Variants in GSN observed in about 807,000 individuals in gnomAD.
The protein encoded by GSN is gelsolin.
Under a neutral mutation model 85.7 loss-of-function variants are expected in GSN, and 56 were observed. The ratio of observed to expected loss-of-function variants is 0.65; its 90% CI spans 0.53 to 0.82. The LOEUF (loss-of-function observed/expected upper bound fraction) is 0.82. Among genes scored for constraint, GSN ranks in the 40% least tolerant of loss-of-function variants. The probability of loss-of-function intolerance (pLI) is 0.00; values close to 1 mark genes in which losing one functional copy is unlikely to be tolerated. For missense variants in GSN, 857 were observed against 979.8 expected (o/e 0.87, Z 1.67); for synonymous variants, 373 against 399.1 (o/e 0.93, Z 0.78).
chr9:121,318,340 TA>T lies in GSN; in HGVS notation c.887-63del. 2 of 1,281,508 alleles carry T rather than the reference TA, an allele frequency of 1.6e-6. 1 individual carries two copies. The highest frequency in any genetic ancestry group is 2.3e-6 in the Non-Finnish European group (2 of 876,548). The allele number at this position is 1,281,508 out of a possible 1,614,324, so 79.4% of individuals were successfully genotyped here. A position where few individuals can be genotyped will look rare whatever the true frequency, so the allele number is the denominator to read the frequency against. ...TTGGCAGCTCCTTCTCCTGGACTGT[TA>T]AAGGTCAGGATGCAGCAGGATCCCG... On this transcript the variant is annotated intron_variant, in intron 8 of 17. Coordinates refer to ENST00000432226, the MANE Select transcript of GSN (RefSeq NM_198252.3). The surrounding 1 kb of genome is among the most constrained non-coding windows in gnomAD (Gnocchi z 4.3).
intron 5 of GSN, 133 bp downstream of exon 5, chr9:121,310,978 A>C (rs1212971087): frequency 6.4e-6 from 5 of 784,788 alleles, no homozygotes. Context: ...GTTCACGTAC[A>C]GATATGTCTG....
Position 121,219,340 on chromosome 9 carries a change from CT to C in GSN, c.-528+8474del, listed in dbSNP as rs199797260. On this transcript the variant is annotated intron_variant, in intron 4 of 24. Coordinates refer to the GSN transcript ENST00000373823. ...CTTGAACTCCTAGGCTCAAGTGATCCTCCTGCCTTGGCTTCCCAAGGTGTGG... is the reference window on the plus strand; with the variant it reads ...CTTGAACTCCTAGGCTCAAGTGATCCCCTGCCTTGGCTTCCCAAGGTGTGG... Among the ~76,000 whole-genome samples, 1,107 of 151,792 alleles carry C rather than the reference CT, an allele frequency of 7.3e-3. 14 individuals carry two copies. The highest frequency in any genetic ancestry group is 0.025 in the African/African-American group (1,049 of 41,366).
chr9:121,302,140 C>A lies in GSN; in HGVS notation c.169C>A (p.Leu57Met). 2 of 1,614,194 alleles carry A rather than the reference C, an allele frequency of 1.2e-6. No homozygotes were observed. Among genetic ancestry groups the A allele is most frequent in the South Asian group, 2.2e-5 (2 of 91,092 alleles). ...GACAGTGCAGCTGAGGAACGGAAAT[C>A]TGCAGTATGACCTCCACTACTGGCT... ...LKTVQLRNGNLQYDLHYWLGN... is the reference protein window; with the variant it reads ...LKTVQLRNGNMQYDLHYWLGN... Residue 57 changes from leucine to methionine, a missense_variant, in exon 3 of 18, where the codon CTG becomes ATG. Leu to Met is a conservative substitution (Grantham distance 15). Transcript: ENST00000432226.
intron 1 of GSN, chr9:121,281,230 G>C (rs79120268): frequency 0.015 from 3,380 of 225,368 alleles, 47 homozygotes; most frequent in Non-Finnish European, 0.02. Flanking sequence ...GCAGGTACAA[G>C]GCATAAGAAG....
At chr9:121,225,685 A>G (rs957262921) in intron 4 of GSN, among the ~76,000 whole-genome samples, 3 of 152,190 alleles carry the variant, frequency 2.0e-5, no homozygotes, top group African/African-American at 4.8e-5. Context: ...GATGTACACC[A>G]TCTCGAACTC....
chr9:121,230,205 C>T (rs2054360447), intron 4 of GSN, among the ~76,000 whole-genome samples: 1 of 152,100 alleles, frequency 6.6e-6, no homozygotes, highest in South Asian at 2.1e-4. Flanking sequence ...ACCAGATATT[C>T]CAGGCTCAAA....
chr9:121,240,914 T>C (rs2054591529), intron 5 of GSN, among the ~76,000 whole-genome samples: 3 of 152,234 alleles, frequency 2.0e-5, no homozygotes, highest in African/African-American at 7.2e-5. Flanking sequence ...GTGTCATGTG[T>C]TAAAAAGAGC....
intron 1 of GSN, among the ~76,000 whole-genome samples, chr9:121,208,148 C>G (rs938607224): frequency 3.9e-5 from 6 of 152,170 alleles, no homozygotes; most frequent in African/African-American, 1.4e-4. Flanking sequence ...TCCCCTCACC[C>G]ATACACACAC....
At chr9:121,274,071 A>C (rs1347447670) in intron 1 of GSN, among the ~76,000 whole-genome samples, 1 of 152,206 alleles carries the variant, frequency 6.6e-6, no homozygotes, top group Non-Finnish European at 1.5e-5. Context: ...ACAGGACCCT[A>C]CTTTGCTCCA....
chr9:121,281,487 CTT>C lies in GSN; in HGVS notation c.-83_-82del. Reference sequence around the variant, plus strand: ...GTTTACAGGTAGTGCTCATAGCTCTCTTTGTCCAGTGCTTCGGCCTTGGTCCC... The same window carrying C: ...GTTTACAGGTAGTGCTCATAGCTCTCTGTCCAGTGCTTCGGCCTTGGTCCC... On this transcript the variant is annotated 5_prime_UTR_variant, in exon 2 of 18. Coordinates refer to ENST00000432226, the MANE Select transcript of GSN (RefSeq NM_198252.3). 2.6e-6 allele frequency: 1 copy of C among 386,298 alleles called. No homozygotes were observed. Among genetic ancestry groups the C allele is most frequent in the South Asian group, 2.0e-5 (1 of 49,850 alleles). 23.9% of individuals were successfully genotyped at this position (386,298 alleles called of 1,614,324 possible).
At chr9:121,320,652 C>CA (rs564880956) in intron 10 of GSN, among the ~76,000 whole-genome samples, 1,334 of 81,780 alleles carry the variant, frequency 0.016, 9 homozygotes, top group Middle Eastern at 0.045. Context: ...TCTCAAAAAA[C>CA]AAAAAAAAAA....
intron 2 of GSN, chr9:121,300,167 C>T (rs757579467): frequency 1.8e-5 from 26 of 1,449,778 alleles, no homozygotes; most frequent in Non-Finnish European, 1.8e-5. Context: ...GGCTCGCAGA[C>T]GAGGGTGGGA....
intron 4 of GSN, among the ~76,000 whole-genome samples, chr9:121,230,405 C>T (rs1285941569): frequency 2.6e-5 from 4 of 152,190 alleles, no homozygotes; most frequent in East Asian, 1.9e-4. Flanking sequence ...GTAGCTAAAT[C>T]GTTAGCTGTC....
chr9:121,300,001 C>A lies in GSN; in HGVS notation c.-9-1962C>A, dbSNP rs376281622. On this transcript the variant is annotated intron_variant, in intron 2 of 17. Coordinates refer to ENST00000432226, the MANE Select transcript of GSN (RefSeq NM_198252.3). ...GCGCCCCAGGGGCGGGTGCCCGAGG[C>A]GCGGGTGAGTGCCCGGGGGGCCCCG... 4.3e-5 allele frequency: 62 copies of A among 1,452,030 alleles called. No individual in the cohort carries two copies. The East Asian group carries it at 1.7e-3, about 39-fold the overall frequency. The allele number at this position is 1,452,030 out of a possible 1,614,324, so 89.9% of individuals were successfully genotyped here.
In GSN at chr9:121,326,572, A is replaced by T. The variant is rs757093131; in HGVS notation, c.1477A>T (p.Met493Leu). 27 of 1,613,770 alleles carry T rather than the reference A, an allele frequency of 1.7e-5. No individual in the cohort carries two copies. The highest frequency in any genetic ancestry group is 2.3e-5 in the Non-Finnish European group (27 of 1,179,912). The change falls in exon 13 of 18, where the codon ATG (methionine) becomes TTG (leucine). Residue 493 changes from methionine (M) to leucine (L), a missense_variant. Met to Leu is a conservative substitution (Grantham distance 15, BLOSUM62 2). Coordinates refer to ENST00000432226, the MANE Select transcript of GSN (RefSeq NM_198252.3). ...CATGAGCCTGTTTGGTGGGAAGCCCATGATCATCTACAAGGGCGGCACCTC... is the reference window on the plus strand; with the variant it reads ...CATGAGCCTGTTTGGTGGGAAGCCCTTGATCATCTACAAGGGCGGCACCTC... Reference protein sequence around the residue: ...HLMSLFGGKPMIIYKGGTSRE... With the variant: ...HLMSLFGGKPLIIYKGGTSRE...
intron 2 of GSN, chr9:121,283,172 G>C (rs1244041063): frequency 6.0e-6 from 1 of 166,256 alleles, no homozygotes; most frequent in Non-Finnish European, 1.5e-5. Flanking sequence ...TTTTCCTCCT[G>C]ACTTTTTTAG....
rs2063995908 is a variant in GSN at position 121,332,178 on chromosome 9, A to G, written c.2027-256A>G. 6.6e-6 allele frequency among the ~76,000 whole-genome samples: 1 copy of G among 152,132 alleles called. No homozygotes were observed. The highest frequency in any genetic ancestry group is 1.5e-5 in the Non-Finnish European group (1 of 68,022). On this transcript the variant is annotated intron_variant, in intron 17 of 17. Coordinates refer to ENST00000432226, the MANE Select transcript of GSN (RefSeq NM_198252.3). The surrounding 1 kb of genome is among the most constrained non-coding windows in gnomAD (Gnocchi z 4.8). ...ATCTTCCAGTAGGGGACTGCAAGGG[A>G]AAGTAATAAGCTTTATGAAGCAGGA... is the stretch of plus-strand genomic sequence containing the variant.
At chr9:121,247,915 A>C (rs974224449) in intron 5 of GSN, among the ~76,000 whole-genome samples, 5 of 126,296 alleles carry the variant, frequency 4.0e-5, no homozygotes, top group Non-Finnish European at 7.9e-5. Context: ...ACTGCAAGGG[A>C]GTCTCACCAA....
At chr9:121,215,562 C>A (rs778497789) in intron 4 of GSN, among the ~76,000 whole-genome samples, 2 of 151,894 alleles carry the variant, frequency 1.3e-5, no homozygotes, top group African/African-American at 4.8e-5. Flanking sequence ...GGTGTGGCGG[C>A]GAGTGCCTAT....
Sources: gnomAD v4.1 joint callset for allele counts (sites outside exome capture counted in the v4.1 genomes callset) on GRCh38, gnomAD v4.1.1 for gene constraint, Gnocchi (gnomAD v3.1) non-coding constraint, MANE v1.5 for transcripts, NCBI Gene and HGNC (gene_info 2026-07-23, HGNC 2026-07-21) for gene names.